Variants in TP53BP1 observed in about 807,000 individuals in gnomAD.
The protein encoded by TP53BP1 is TP53-binding protein 1.
TP53BP1 carries 61 observed loss-of-function variants against 200.8 expected under a neutral mutation model. The observed-to-expected ratio is 0.30, with a 90% CI of 0.25 to 0.38. The LOEUF is 0.38. Ranked by LOEUF, TP53BP1 falls within the 10% of genes least tolerant of loss-of-function variation. The pLI, the probability that TP53BP1 is intolerant of heterozygous loss-of-function variation, is 1.00. For synonymous variants in TP53BP1, 822 were observed against 844.3 expected (o/e 0.97, Z 0.46); for missense variants, 2,144 against 2,371.9 (o/e 0.90, Z 2.00).
intron 12 of TP53BP1, 148 bp from the exon 13 acceptor site, chr15:43,447,633 A>C: frequency 2.7e-6 from 2 of 751,396 alleles, no homozygotes; most frequent in South Asian, 2.2e-5. Context: ...CATTGCCACC[A>C]CCCTCACCAG....
chr15:43,482,197 C>T (rs1315284925), intron 4 of TP53BP1, among the ~76,000 whole-genome samples: 1 of 151,320 alleles, frequency 6.6e-6, no homozygotes, highest in Non-Finnish European at 1.5e-5. Context: ...CCACTGCACT[C>T]CAGCCTGGGC....
Position 43,447,371 on chromosome 15 carries a change from G to T in TP53BP1, c.2831C>A (p.Pro944His), listed in dbSNP as rs1005270452. The T allele has an allele frequency of 6.3e-7, 1 of 1,598,946 alleles. No homozygotes were observed. The highest frequency in any genetic ancestry group is 8.5e-7 in the Non-Finnish European group (1 of 1,176,524). ...ATTACTTTTTATTCACTCACCAATA[G>T]GAGTACTGTGTCTCTTGGGCTCCAA... ...LKLEPKRHSTPIGISNYPEST... is the reference protein window; with the variant it reads ...LKLEPKRHSTHIGISNYPEST... The change falls in exon 13 of 28, where the codon CCT (proline) becomes CAT (histidine). Residue 944 changes from proline to histidine, a missense_variant. Coordinates refer to ENST00000382044, the MANE Select transcript of TP53BP1 (RefSeq NM_001141980.3).
intron 6 of TP53BP1, 143 bp from the exon 7 acceptor site, chr15:43,479,669 A>G: frequency 1.7e-6 from 2 of 1,168,270 alleles, no homozygotes; most frequent in Non-Finnish European, 1.2e-6. Flanking sequence ...AAAGGAAAGT[A>G]ACCAATAACT....
At chr15:43,407,854 T>C (rs2044965205) in intron 27 of TP53BP1, 89 bp downstream of exon 27, 1 of 1,333,008 alleles carries the variant, frequency 7.5e-7, no homozygotes, top group Admixed American at 2.2e-5. Flanking sequence ...GTCAACCTAT[T>C]AGGCCTGAGC....
chr15:43,507,291 C>T (rs534361822), intron 1 of TP53BP1, among the ~76,000 whole-genome samples: 34 of 152,254 alleles, frequency 2.2e-4, no homozygotes, highest in African/African-American at 6.5e-4. Context: ...CCCACCAACA[C>T]GCCCAGCTAA....
intron 26 of TP53BP1, chr15:43,408,620 A>G (rs1341643300): frequency 4.7e-6 from 2 of 427,046 alleles, no homozygotes; most frequent in Non-Finnish European, 8.6e-6. Flanking sequence ...CTGAGCCTAT[A>G]TATTTTTAAT....
At chr15:43,415,472 G>A in intron 23 of TP53BP1, 122 bp downstream of exon 23, 1 of 1,040,354 alleles carries the variant, frequency 9.6e-7, no homozygotes. Flanking sequence ...GGCTTGGGCA[G>A]GACCCCGACT....
intron 16 of TP53BP1, among the ~76,000 whole-genome samples, chr15:43,434,767 G>T (rs1307540236): frequency 6.6e-6 from 1 of 152,200 alleles, no homozygotes; most frequent in Non-Finnish European, 1.5e-5. Flanking sequence ...TCTAGCCTAT[G>T]GCAGTTTGTT....
At position 43,432,381 on chromosome 15, in the gene TP53BP1, T is replaced by C; in HGVS notation, c.3488A>G (p.Glu1163Gly). Reference sequence around the variant, plus strand: ...AGTTTCTGGGACCCTCAAGGAACACTCCATGGTTTGGATTCCTATGTTATT... The same window carrying C: ...AGTTTCTGGGACCCTCAAGGAACACCCCATGGTTTGGATTCCTATGTTATT... ...SQNNIGIQTM[E>G]CSLRVPETVS... The change falls in exon 17 of 28, where the codon GAG becomes GGG. Residue 1163 changes from glutamate to glycine, a missense_variant. Coordinates refer to ENST00000382044, the MANE Select transcript of TP53BP1 (RefSeq NM_001141980.3). 1 of 1,614,194 alleles carries C rather than the reference T, an allele frequency of 6.2e-7. No homozygotes were observed. Among genetic ancestry groups the C allele is most frequent in the Non-Finnish European group, 8.5e-7 (1 of 1,180,014 alleles).
At chr15:43,418,319 G>A (rs748855097) in intron 21 of TP53BP1, among the ~76,000 whole-genome samples, 4 of 150,650 alleles carry the variant, frequency 2.7e-5, no homozygotes, top group East Asian at 3.9e-4. Context: ...CCAATGTGGC[G>A]AAACCCCATC....
chr15:43,486,840 G>A (rs938194718), intron 4 of TP53BP1, among the ~76,000 whole-genome samples: 1 of 152,042 alleles, frequency 6.6e-6, no homozygotes, highest in African/African-American at 2.4e-5. Flanking sequence ...TGCCCAGGCT[G>A]GTCTCAAACT....
intron 24 of TP53BP1, among the ~76,000 whole-genome samples, chr15:43,410,999 C>G (rs2045101235): frequency 6.6e-6 from 1 of 152,210 alleles, no homozygotes; most frequent in Non-Finnish European, 1.5e-5. Flanking sequence ...CACCCTTTTG[C>G]TATCTCAATA....
intron 4 of TP53BP1, among the ~76,000 whole-genome samples, chr15:43,482,394 G>C (rs139342913): frequency 6.6e-6 from 1 of 152,150 alleles, no homozygotes; most frequent in South Asian, 2.1e-4. Context: ...CCAGCACTTC[G>C]GGAGGCCGAA....
intron 11 of TP53BP1, among the ~76,000 whole-genome samples, chr15:43,458,207 G>A (rs1171050809): frequency 2.7e-5 from 4 of 148,760 alleles, no homozygotes; most frequent in African/African-American, 5.0e-5. Context: ...CAAGGCAGGC[G>A]GATCACCTGA....
chr15:43,446,724 T>C, intron 13 of TP53BP1, 134 bp from the exon 14 acceptor site: 5 of 1,522,970 alleles, frequency 3.3e-6, no homozygotes, highest in East Asian at 2.3e-5. Flanking sequence ...CTAGGATAGA[T>C]CCCTGTCATA....
In TP53BP1 at chr15:43,403,854, A is replaced by C. The variant is rs778005538; in HGVS notation, c.*3529T>G. On this transcript the variant is annotated 3_prime_UTR_variant, in exon 28 of 28. Transcript: ENST00000382044. ...CCGAAAGGACAGAGGTGGTTTTGCCAATGGAGAATTCATGATCTTTCCTCT... is the reference window on the plus strand; with the variant it reads ...CCGAAAGGACAGAGGTGGTTTTGCCCATGGAGAATTCATGATCTTTCCTCT... 5.5e-6 allele frequency: 7 copies of C among 1,280,370 alleles called. No homozygotes were observed. In the African/African-American group the frequency reaches 1.0e-4, roughly 19 times the overall value. The allele number at this position is 1,280,370 out of a possible 1,614,324, so 79.3% of individuals were successfully genotyped here. A position where few individuals can be genotyped will look rare whatever the true frequency, so the allele number is the denominator to read the frequency against.
chr15:43,451,016 G>A (rs191424434), intron 12 of TP53BP1, among the ~76,000 whole-genome samples: 92 of 151,978 alleles, frequency 6.1e-4, no homozygotes, highest in African/African-American at 1.5e-3. Flanking sequence ...CTGGAATTAC[G>A]CGTGCACGCC....
chr15:43,436,761 G>C (rs1037442298), intron 16 of TP53BP1, among the ~76,000 whole-genome samples: 1 of 151,806 alleles, frequency 6.6e-6, no homozygotes, highest in Admixed American at 6.6e-5. Flanking sequence ...GATTACAGGC[G>C]TGAGCCACCG....
chr15:43,492,838 C>T (rs1416659867), intron 1 of TP53BP1, among the ~76,000 whole-genome samples, 199 bp downstream of exon 1: 1 of 150,940 alleles, frequency 6.6e-6, no homozygotes, highest in East Asian at 2.0e-4. Context: ...CGCCAGAGGC[C>T]CCACAGCCTT....
Sources: gnomAD v4.1 joint callset for allele counts (sites outside exome capture counted in the v4.1 genomes callset) on GRCh38, gnomAD v4.1.1 for gene constraint, MANE v1.5 for transcripts, NCBI Gene and HGNC (gene_info 2026-07-23, HGNC 2026-07-21) for gene names.